The following FMR1 variants were observed in gnomAD, a reference collection of about 807,000 sequenced individuals.
FMR1 encodes the protein FMRP translational regulator 1.
In FMR1, 13 loss-of-function variants were observed where a neutral mutation model predicts 50.6. That is an observed-to-expected ratio of 0.26 (90% CI 0.17 to 0.41). The LOEUF is 0.41. FMR1 is among the 10% of genes least tolerant of loss of function. FMR1 has a pLI of 1.00. For synonymous variants in FMR1, 138 were observed against 164.1 expected (o/e 0.84, Z 1.22); for missense variants, 316 against 491.3 (o/e 0.64, Z 3.37).
intron 1 of FMR1, among the ~76,000 whole-genome samples, chrX:147,918,588 T>G: frequency 1.2e-5 from 1 of 84,185 alleles, no homozygotes; most frequent in Admixed American, 1.6e-4. Context: ...TTTGAATAGC[T>G]ACAGCACTTG....
chrX:147,918,806 C>G (rs1557175899), intron 1 of FMR1, among the ~76,000 whole-genome samples: 1 of 110,683 alleles, frequency 9.0e-6, no homozygotes, highest in Non-Finnish European at 1.9e-5. Flanking sequence ...CTGTCTACTA[C>G]AGTAGCCCTT....
intron 9 of FMR1, among the ~76,000 whole-genome samples, chrX:147,934,063 A>G (rs1447011567): frequency 2.7e-5 from 3 of 112,513 alleles, no homozygotes; most frequent in Non-Finnish European, 5.6e-5. Flanking sequence ...CGCAAGATAA[A>G]GTGCTAATCT....
Position 147,945,906 on chromosome X carries a change from C to G in FMR1, c.1737+290C>G, listed in dbSNP as rs782016744. Among the ~76,000 whole-genome samples, 48 of 110,969 alleles carry G rather than the reference C, an allele frequency of 4.3e-4. No individual in the cohort carries two copies. The Admixed American group carries it at 4.4e-3, about 10-fold the overall frequency. ...TTTTATTTTTTTGAGACGGGAGTTTCGCTTTTGTTGCCCAGGCTGGAGTGC... is the reference window on the plus strand; with the variant it reads ...TTTTATTTTTTTGAGACGGGAGTTTGGCTTTTGTTGCCCAGGCTGGAGTGC... On this transcript the variant is annotated intron_variant, in intron 16 of 16. Coordinates refer to ENST00000370475, the MANE Select transcript of FMR1 (RefSeq NM_002024.6).
At position 147,950,041 on chromosome X, in the gene FMR1, TTG is replaced by T. The variant is rs1349955827; in HGVS notation, c.*1199_*1200del. 3.2e-6 allele frequency: 1 copy of T among 313,276 alleles called. No individual in the cohort carries two copies. The highest frequency in any genetic ancestry group is 2.8e-5 in the African/African-American group (1 of 36,212). The allele number at this position is 313,276 out of a possible 1,213,427, so 25.8% of individuals were successfully genotyped here. A position where few individuals can be genotyped will look rare whatever the true frequency, so the allele number is the denominator to read the frequency against. ...AACAACTTTTTTTTCTTTTTTTCTT[TTG>T]TTTTTTGAAGTGTTGGGGTTTGGTT... On this transcript the variant is annotated 3_prime_UTR_variant, in exon 17 of 17. Coordinates refer to ENST00000370475, the MANE Select transcript of FMR1 (RefSeq NM_002024.6).
At chrX:147,922,750 G>A (rs1264237587) in intron 2 of FMR1, among the ~76,000 whole-genome samples, 7 of 110,893 alleles carry the variant, frequency 6.3e-5, no homozygotes, top group African/African-American at 2.3e-4. Context: ...CATTTTTTTG[G>A]CTCTTATATA....
intron 1 of FMR1, among the ~76,000 whole-genome samples, chrX:147,915,530 T>G (rs2042814417): frequency 9.0e-6 from 1 of 111,136 alleles, no homozygotes; most frequent in Non-Finnish European, 1.9e-5. Flanking sequence ...TTAGGATCTT[T>G]GTGGCTGCAT....
Position 147,926,173 on chromosome X carries a change from A to G in FMR1, c.198+540A>G, listed in dbSNP as rs25730. Among the ~76,000 whole-genome samples, 358 of 111,884 alleles carry G rather than the reference A, an allele frequency of 3.2e-3. 7 individuals are homozygous for G. The highest frequency in any genetic ancestry group is 0.031 in the Admixed American group (324 of 10,552). On this transcript the variant is annotated intron_variant, in intron 3 of 16. Coordinates refer to ENST00000370475, the MANE Select transcript of FMR1 (RefSeq NM_002024.6). ...TCTCCCGTTGAGCTCTTTGACCAAA[A>G]TGTGCTATGGAGATCTAACATGTGA...
intron 3 of FMR1, among the ~76,000 whole-genome samples, chrX:147,926,056 T>A (rs29300): frequency 0.016 from 1,838 of 112,503 alleles, 22 homozygotes; most frequent in Non-Finnish European, 0.025. Flanking sequence ...GCAGTGAATC[T>A]TCTTGGTATA....
At chrX:147,925,707 C>CT in intron 3 of FMR1, 74 bp downstream of exon 3, 1 of 682,633 alleles carries the variant, frequency 1.5e-6, no homozygotes, top group South Asian at 2.2e-5. Flanking sequence ...TTTTTTAATA[C>CT]TTTGTCTTTA....
At chrX:147,916,546 T>G (rs185667977) in intron 1 of FMR1, among the ~76,000 whole-genome samples, 632 of 111,476 alleles carry the variant, frequency 5.7e-3, no homozygotes, top group Non-Finnish European at 9.5e-3. Context: ...TTTTCTTTCT[T>G]GGTTTTCTTT....
chrX:147,944,050 C>G lies in FMR1; in HGVS notation c.1471+724C>G, dbSNP rs1204659760. The G allele has an allele frequency of 7.3e-6, 3 of 409,969 alleles. No individual in the cohort carries two copies. The African/African-American group carries it at 8.2e-5, about 11-fold the overall frequency. The allele number at this position is 409,969 out of a possible 1,213,427, so 33.8% of individuals were successfully genotyped here. On this transcript the variant is annotated intron_variant, in intron 14 of 16. Coordinates refer to ENST00000370475, the MANE Select transcript of FMR1 (RefSeq NM_002024.6). ...GTGAAGCTATAATTGGTCATTAGCT[C>G]CAACAGAGGAAGAGAGAGGTAGTAG...
At chrX:147,937,429 CT>C (rs781950130) in intron 10 of FMR1, 36 bp from the exon 11 acceptor site, 4 of 957,488 alleles carry the variant, frequency 4.2e-6, no homozygotes, top group Non-Finnish European at 6.0e-6. Context: ...TAAATTGGTC[CT>C]TTTTTTCTCT....
chrX:147,949,020 A>G lies in FMR1; in HGVS notation c.*176A>G. The G allele has an allele frequency of 1.9e-6, 1 of 528,038 alleles. No individual in the cohort carries two copies. The highest frequency in any genetic ancestry group is 3.3e-6 in the Non-Finnish European group (1 of 300,805). The allele number at this position is 528,038 out of a possible 1,213,427, so 43.5% of individuals were successfully genotyped here. ...GTATTGGCCATAAGCAACAATTTTC[A>G]GATTTGCACAAAAAGATACCTTAAA... is the stretch of plus-strand genomic sequence containing the variant. On this transcript the variant is annotated 3_prime_UTR_variant, in exon 17 of 17. Transcript: ENST00000370475.
chrX:147,927,257 T>A (rs1477553271), intron 3 of FMR1, among the ~76,000 whole-genome samples: 3 of 111,623 alleles, frequency 2.7e-5, no homozygotes, highest in African/African-American at 9.8e-5. Context: ...TGAAAGGGAC[T>A]TTTTCTCCCC....
intron 9 of FMR1, chrX:147,933,466 GTC>G (rs1248234542): frequency 1.0e-6 from 1 of 993,107 alleles, no homozygotes; most frequent in African/African-American, 2.0e-5. Flanking sequence ...AACTTCAGAT[GTC>G]TCTGGGACTT....
intron 13 of FMR1, among the ~76,000 whole-genome samples, chrX:147,941,360 A>G (rs1427263630): frequency 2.7e-5 from 3 of 112,241 alleles, no homozygotes; most frequent in South Asian, 7.4e-4. Context: ...AAAATGTTCT[A>G]TACTTTAATG....
intron 1 of FMR1, among the ~76,000 whole-genome samples, chrX:147,916,782 G>A (rs782349078): frequency 1.8e-5 from 2 of 111,267 alleles, no homozygotes; most frequent in East Asian, 5.7e-4. Flanking sequence ...CTGTCGCCCA[G>A]GTTGGAGTGC....
chrX:147,939,056 A>G (rs1431165199), intron 12 of FMR1, among the ~76,000 whole-genome samples: 1 of 112,024 alleles, frequency 8.9e-6, no homozygotes, highest in Non-Finnish European at 1.9e-5. Flanking sequence ...TTTTAAAGCT[A>G]TTTTGGTGAT....
chrX:147,930,813 A>G (rs782580797), intron 7 of FMR1: 104 of 112,522 alleles, frequency 9.2e-4, no homozygotes, highest in Non-Finnish European at 1.8e-3. Context: ...CCATTACTAT[A>G]GAAACTAAGT....
Sources: gnomAD v4.1 joint callset for allele counts (sites outside exome capture counted in the v4.1 genomes callset) on GRCh38, gnomAD v4.1.1 for gene constraint, MANE v1.5 for transcripts, NCBI Gene and HGNC (gene_info 2026-07-23, HGNC 2026-07-21) for gene names.